Variants in UBE2U observed in about 807,000 individuals in gnomAD.
UBE2U encodes ubiquitin-conjugating enzyme E2 U.
Under a neutral mutation model 41.2 loss-of-function variants are expected in UBE2U, and 39 were observed. That is an observed-to-expected ratio of 0.95 (90% CI 0.73 to 1.24). The LOEUF (loss-of-function observed/expected upper bound fraction) is 1.24, where lower values mean the gene tolerates loss of function less well. Ranked by LOEUF, UBE2U falls within the 50% of genes most tolerant of loss-of-function variation. The pLI is 0.00. For missense variants in UBE2U, 336 were observed against 363.1 expected, an observed-to-expected ratio of 0.93 and a Z score of 0.61; for synonymous variants, 107 against 117.8, an observed-to-expected ratio of 0.91 and a Z score of 0.60.
intron 6 of UBE2U, among the ~76,000 whole-genome samples, chr1:64,229,096 T>C (rs1305289141): frequency 1.3e-5 from 2 of 151,698 alleles, no homozygotes; most frequent in Admixed American, 6.6e-5. Flanking sequence ...CCTGACCTCA[T>C]GATCTGCCCG....
At chr1:64,221,380 T>TG (rs1405405795) in intron 6 of UBE2U, among the ~76,000 whole-genome samples, 2 of 152,236 alleles carry the variant, frequency 1.3e-5, no homozygotes, top group African/African-American at 4.8e-5. Context: ...CCCAAAGTGC[T>TG]GGGATTACAG....
At chr1:64,221,477 A>G (rs1323386630) in intron 6 of UBE2U, among the ~76,000 whole-genome samples, 1 of 151,010 alleles carries the variant, frequency 6.6e-6, no homozygotes, top group Non-Finnish European at 1.5e-5. Context: ...AGCACAGATC[A>G]TTATAGATCA....
At chr1:64,224,725 A>C (rs1652742740) in intron 6 of UBE2U, among the ~76,000 whole-genome samples, 1 of 150,114 alleles carries the variant, frequency 6.7e-6, no homozygotes. Context: ...TCTGTGTCAA[A>C]AAAAAAAAAA....
Position 64,204,007 on chromosome 1 carries a change from C to T in UBE2U, c.-44C>T. The T allele has an allele frequency of 6.3e-7, 1 of 1,577,858 alleles. No homozygotes were observed. The highest frequency in any genetic ancestry group is 8.7e-7 in the Non-Finnish European group (1 of 1,149,982). On this transcript the variant is annotated 5_prime_UTR_variant, in exon 1 of 10. Coordinates refer to ENST00000371077, the MANE Select transcript of UBE2U (RefSeq NM_001366232.2). ...CTTCAAACATCTGCCTCAGAGTAAA[C>T]CTGAGGCATTTGGGGACAAGTGTCA...
intron 8 of UBE2U, among the ~76,000 whole-genome samples, chr1:64,249,705 G>T (rs1257308690): frequency 6.6e-6 from 1 of 151,852 alleles, no homozygotes; most frequent in Non-Finnish European, 1.5e-5. Flanking sequence ...ACTTGAAAGT[G>T]TAGCAATATA....
intron 7 of UBE2U, among the ~76,000 whole-genome samples, chr1:64,239,159 A>AG (rs1557731082): frequency 6.0e-4 from 33 of 54,720 alleles, no homozygotes; most frequent in Non-Finnish European, 8.6e-4. Flanking sequence ...AGAAGAAGAA[A>AG]GAAGAAGAAG....
chr1:64,209,282 C>T (rs536070762), intron 3 of UBE2U, among the ~76,000 whole-genome samples: 1 of 152,220 alleles, frequency 6.6e-6, no homozygotes, highest in African/African-American at 2.4e-5. Context: ...ACTTTAGTCT[C>T]TAGGAGGGGG....
At chr1:64,232,365 T>G (rs1644583379) in intron 6 of UBE2U, among the ~76,000 whole-genome samples, 196 bp from the exon 7 acceptor site, 1 of 152,202 alleles carries the variant, frequency 6.6e-6, no homozygotes, top group Admixed American at 6.5e-5. Context: ...TTGAACATTT[T>G]CTTTTTCGTT....
At chr1:64,241,758 T>A (rs1458790796) in intron 8 of UBE2U, 25 bp downstream of exon 8, 2 of 1,542,328 alleles carry the variant, frequency 1.3e-6, no homozygotes, top group South Asian at 2.3e-5. Context: ...GTGCCTTGAA[T>A]GTGTACATTA....
At chr1:64,215,708 G>T (rs2100289451) in intron 5 of UBE2U, among the ~76,000 whole-genome samples, 1 of 152,308 alleles carries the variant, frequency 6.6e-6, no homozygotes, top group African/African-American at 2.4e-5. Context: ...AATAGAGCCT[G>T]AAGCTCTTCA....
In UBE2U at chr1:64,253,481, A is replaced by G. The variant is rs1253920902; in HGVS notation, c.678-7122A>G. Among the ~76,000 whole-genome samples, 4 of 152,186 alleles carry G rather than the reference A, an allele frequency of 2.6e-5. No individual in the cohort carries two copies. The East Asian group carries it at 7.7e-4, about 29-fold the overall frequency. ...ATAATCATCAGATTCTCCAAGGTCG[A>G]AATGAAGGAAAAAATGTTCAGGGAA... is the stretch of plus-strand genomic sequence containing the variant. On this transcript the variant is annotated intron_variant, in intron 8 of 9. Transcript: ENST00000371077.
intron 6 of UBE2U, 66 bp downstream of exon 6, chr1:64,220,973 T>C: frequency 9.4e-7 from 1 of 1,064,918 alleles, no homozygotes; most frequent in Non-Finnish European, 1.4e-6. Flanking sequence ...TTAAACTCTT[T>C]ATGTTTTTCA....
intron 1 of UBE2U, among the ~76,000 whole-genome samples, chr1:64,204,660 G>T (rs1020787749): frequency 3.3e-5 from 5 of 152,110 alleles, no homozygotes; most frequent in African/African-American, 1.2e-4. Context: ...GGGCTTAAAC[G>T]CCACCAATGA....
chr1:64,217,285 G>T (rs1454712740), intron 5 of UBE2U, among the ~76,000 whole-genome samples: 1 of 152,172 alleles, frequency 6.6e-6, no homozygotes, highest in Non-Finnish European at 1.5e-5. Context: ...CTGGCGCCAA[G>T]AATTGGATAA....
At chr1:64,214,140 AT>A (rs1440079635) in intron 4 of UBE2U, among the ~76,000 whole-genome samples, 1 of 152,130 alleles carries the variant, frequency 6.6e-6, no homozygotes, top group African/African-American at 2.4e-5. Flanking sequence ...TTTAATAGCT[AT>A]TCAGTATTCC....
intron 8 of UBE2U, among the ~76,000 whole-genome samples, chr1:64,248,569 GTT>G (rs60816978): frequency 9.7e-5 from 14 of 144,696 alleles, no homozygotes; most frequent in Non-Finnish European, 1.1e-4. Context: ...CATTTTACTT[GTT>G]TTTTTTTTTT....
At chr1:64,250,100 T>C (rs1200967305) in intron 8 of UBE2U, among the ~76,000 whole-genome samples, 1 of 152,030 alleles carries the variant, frequency 6.6e-6, no homozygotes, top group Non-Finnish European at 1.5e-5. Flanking sequence ...GCCTTGCAAG[T>C]CAAAATATAA....
intron 1 of UBE2U, 58 bp from the exon 2 acceptor site, chr1:64,205,581 A>G: frequency 6.9e-7 from 1 of 1,451,350 alleles, no homozygotes; most frequent in Non-Finnish European, 9.5e-7. Context: ...ATGATTTTCA[A>G]AACTTCAATA....
intron 6 of UBE2U, among the ~76,000 whole-genome samples, chr1:64,227,424 CATGGT>C (rs1652948628): frequency 6.6e-6 from 1 of 152,162 alleles, no homozygotes; most frequent in South Asian, 2.1e-4. Flanking sequence ...AGCAAAGACT[CATGGT>C]ATAAGATCAA....
Sources: gnomAD v4.1 joint callset for allele counts (sites outside exome capture counted in the v4.1 genomes callset) on GRCh38, gnomAD v4.1.1 for gene constraint, MANE v1.5 for transcripts, NCBI Gene and HGNC (gene_info 2026-07-23, HGNC 2026-07-21) for gene names.